Variants in IGDCC4 observed in about 807,000 individuals in gnomAD.
IGDCC4 encodes the protein likely ortholog of mouse neighbor of Punc E11.
In IGDCC4, 72 loss-of-function variants were observed where a neutral mutation model predicts 116.6. The ratio of observed to expected loss-of-function variants is 0.62; its 90% confidence interval spans 0.51 to 0.75. The LOEUF is 0.75. IGDCC4 is among the 30% of genes least tolerant of loss of function. The pLI is 0.00. For missense variants in IGDCC4, 1,501 were observed against 1,662.4 expected (o/e 0.90, Z 1.69); for synonymous variants, 709 against 719.9 (o/e 0.98, Z 0.24).
chr15:65,385,830 C>G lies in IGDCC4; in HGVS notation c.3180+1G>C. ...AGCCGCAATGTGGGGCTCTGACTTA[C>G]CTTTCTTTTGGAGTGACTCCGGCCT... On this transcript the variant is annotated splice_donor_variant, in intron 18 of 19. Coordinates refer to ENST00000352385, the MANE Select transcript of IGDCC4 (RefSeq NM_020962.3). LOFTEE classifies it high-confidence loss of function. 6.2e-7 allele frequency: 1 copy of G among 1,611,344 alleles called. No homozygotes were observed. The highest frequency in any genetic ancestry group is 8.5e-7 in the Non-Finnish European group (1 of 1,178,990).
In IGDCC4 at chr15:65,390,139, A is replaced by G. The variant is rs772020642; in HGVS notation, c.2408+16T>C. ...CTTCCTCCCTTCTTTACATTAGTAA[A>G]GGCATTAGTCCCCACCTGGTGTAAT... On this transcript the variant is annotated intron_variant, in intron 13 of 19. Transcript: ENST00000352385. The G allele has an allele frequency of 1.3e-6, 2 of 1,553,636 alleles. No homozygotes were observed. Among genetic ancestry groups the G allele is most frequent in the East Asian group, 4.6e-5 (2 of 43,772 alleles).
chr15:65,381,963 T>C lies in IGDCC4; in HGVS notation c.*2046A>G, dbSNP rs144383449. 5.2e-5 allele frequency: 8 copies of C among 152,740 alleles called. No individual in the cohort carries two copies. The East Asian group carries it at 1.5e-3, about 29-fold the overall frequency. The allele number at this position is 152,740 out of a possible 1,614,324, so 9.5% of individuals were successfully genotyped here. A position where few individuals can be genotyped will look rare whatever the true frequency, so the allele number is the denominator to read the frequency against. On this transcript the variant is annotated 3_prime_UTR_variant, in exon 20 of 20. Coordinates refer to ENST00000352385, the MANE Select transcript of IGDCC4 (RefSeq NM_020962.3). Reference sequence around the variant, plus strand: ...CTAATGGGTTATAAATTGTCTCATTTGCAGCTATTTAATTTAAACCAGAAC... The same window carrying C: ...CTAATGGGTTATAAATTGTCTCATTCGCAGCTATTTAATTTAAACCAGAAC...
At chr15:65,418,052 A>G (rs1410767342) in intron 1 of IGDCC4, among the ~76,000 whole-genome samples, 1 of 152,226 alleles carries the variant, frequency 6.6e-6, no homozygotes, top group Non-Finnish European at 1.5e-5. Flanking sequence ...ACCCATGAAG[A>G]CATCCTCAAA....
intron 10 of IGDCC4, 43 bp from the exon 11 acceptor site, chr15:65,392,413 T>C: frequency 1.4e-6 from 2 of 1,426,060 alleles, no homozygotes; most frequent in Non-Finnish European, 1.9e-6. Flanking sequence ...AGGAACAGAA[T>C]GCAGAATGAG....
At chr15:65,418,015 A>G (rs945372279) in intron 1 of IGDCC4, among the ~76,000 whole-genome samples, 38 of 152,308 alleles carry the variant, frequency 2.5e-4, no homozygotes, top group African/African-American at 8.4e-4. Flanking sequence ...TAGGTGCTCA[A>G]TAAACATTTC....
At position 65,390,140 on chromosome 15, in the gene IGDCC4, G is replaced by A; in HGVS notation, c.2408+15C>T. The A allele has an allele frequency of 6.5e-7, 1 of 1,539,552 alleles. No homozygotes were observed. Among genetic ancestry groups the A allele is most frequent in the Non-Finnish European group, 8.9e-7 (1 of 1,125,918 alleles). On this transcript the variant is annotated intron_variant, in intron 13 of 19. Coordinates refer to ENST00000352385, the MANE Select transcript of IGDCC4 (RefSeq NM_020962.3). ...TTCCTCCCTTCTTTACATTAGTAAAGGCATTAGTCCCCACCTGGTGTAATA... is the reference window on the plus strand; with the variant it reads ...TTCCTCCCTTCTTTACATTAGTAAAAGCATTAGTCCCCACCTGGTGTAATA...
Position 65,392,958 on chromosome 15 carries a change from C to T in IGDCC4, c.1885+403G>A, listed in dbSNP as rs532724541. Among the ~76,000 whole-genome samples, 8 of 152,284 alleles carry T rather than the reference C, an allele frequency of 5.3e-5. No homozygotes were observed. The South Asian group carries it at 1.0e-3, about 20-fold the overall frequency. The stretch of plus-strand genomic sequence containing the variant: ...GAGTTAAGTAATTTACCTAGTGTCG[C>T]ATAGAGAGCATGTAGACCGGTTTGG... On this transcript the variant is annotated intron_variant, in intron 10 of 19. Coordinates refer to ENST00000352385, the MANE Select transcript of IGDCC4 (RefSeq NM_020962.3).
intron 5 of IGDCC4, among the ~76,000 whole-genome samples, chr15:65,398,822 G>A (rs959421409): frequency 1.3e-5 from 2 of 152,086 alleles, no homozygotes; most frequent in South Asian, 2.1e-4. Context: ...ACCGGGAGGC[G>A]GAAGTTGCAG....
chr15:65,393,455 A>G lies in IGDCC4; in HGVS notation c.1791T>C (p.Tyr597=), dbSNP rs1479537256. 3 of 1,613,632 alleles carry G rather than the reference A, an allele frequency of 1.9e-6. No homozygotes were observed. Among genetic ancestry groups the G allele is most frequent in the Admixed American group, 3.3e-5 (2 of 59,948 alleles). ...MLNSLQPNKV[Y]RVRISAGTAA... is the part of the protein sequence containing the mutation. ...CTGTACCAGCCGAAATCCGTACTCG[A>G]TACACCTTGTTTGGCTGAAGCGAGT... Residue 597 remains tyrosine, a synonymous_variant, in exon 10 of 20, where the codon TAT becomes TAC. Transcript: ENST00000352385. This position sits in a 1 kb window ranked among gnomAD's most constrained non-coding sequence, Gnocchi z 4.6.
intron 3 of IGDCC4, among the ~76,000 whole-genome samples, chr15:65,405,188 GAA>G (rs563045197): frequency 6.7e-4 from 101 of 151,528 alleles, no homozygotes; most frequent in African/African-American, 2.4e-3. Context: ...AGAAAATAGA[GAA>G]AAGTTATATT....
intron 16 of IGDCC4, among the ~76,000 whole-genome samples, chr15:65,388,103 GCA>G (rs1290176046): frequency 4.7e-4 from 71 of 152,136 alleles, no homozygotes; most frequent in Non-Finnish European, 9.4e-4. Flanking sequence ...AATTAGCCGG[GCA>G]TGGTGGTGTG....
intron 16 of IGDCC4, 108 bp from the exon 17 acceptor site, chr15:65,386,764 C>A (rs1426708441): frequency 2.7e-6 from 2 of 752,350 alleles, no homozygotes; most frequent in African/African-American, 1.7e-5. Context: ...GGACCCTCAC[C>A]CTTCAGATGC....
intron 3 of IGDCC4, among the ~76,000 whole-genome samples, chr15:65,405,129 T>TGGG (rs35901531): frequency 1.3e-4 from 13 of 100,382 alleles, no homozygotes; most frequent in African/African-American, 4.4e-4. Context: ...TATTAGTTAG[T>TGGG]GGGGGGGGGG....
chr15:65,420,270 G>A (rs1471474523), intron 1 of IGDCC4, among the ~76,000 whole-genome samples: 1 of 151,960 alleles, frequency 6.6e-6, no homozygotes, highest in Non-Finnish European at 1.5e-5. Context: ...CCTCTCTCTC[G>A]CCCCCTACAA....
At chr15:65,418,944 A>T (rs943378284) in intron 1 of IGDCC4, among the ~76,000 whole-genome samples, 4 of 152,222 alleles carry the variant, frequency 2.6e-5, no homozygotes, top group African/African-American at 9.6e-5. Context: ...GAACTTGGGT[A>T]TCCCTAGAAA....
At chr15:65,396,252 C>A in intron 6 of IGDCC4, 89 bp from the exon 7 acceptor site, 1 of 1,333,144 alleles carries the variant, frequency 7.5e-7, no homozygotes, top group Non-Finnish European at 1.0e-6. Flanking sequence ...CCCCCCACCG[C>A]CCTCCCTCGC....
At position 65,411,365 on chromosome 15, in the gene IGDCC4, G is replaced by A; in HGVS notation, c.76C>T (p.Leu26=). Residue 26 remains leucine (L), a synonymous_variant, in exon 2 of 20, where the codon CTG becomes TTG. Coordinates refer to ENST00000352385, the MANE Select transcript of IGDCC4 (RefSeq NM_020962.3). ...TFCLLAARGE[L]LLPQETTVEL... ...ACAGTCGTCTCCTGGGGCAACAGCA[G>A]CTCCCCTGCATAGAGGAGGAGCACG... The A allele has an allele frequency of 1.3e-6, 2 of 1,569,276 alleles. No homozygotes were observed. The highest frequency in any genetic ancestry group is 1.7e-6 in the Non-Finnish European group (2 of 1,155,038).
chr15:65,416,683 T>C (rs2063148312), intron 1 of IGDCC4, among the ~76,000 whole-genome samples: 1 of 152,130 alleles, frequency 6.6e-6, no homozygotes, highest in Non-Finnish European at 1.5e-5. Context: ...CAGTGGACAC[T>C]TGCTGCCCGC....
chr15:65,405,474 A>G (rs1274610028), intron 3 of IGDCC4, among the ~76,000 whole-genome samples: 2 of 152,222 alleles, frequency 1.3e-5, no homozygotes, highest in African/African-American at 4.8e-5. Context: ...ATGTGATTTT[A>G]GCAAGTGACA....
Sources: gnomAD v4.1 joint callset for allele counts (sites outside exome capture counted in the v4.1 genomes callset) on GRCh38, gnomAD v4.1.1 for gene constraint, Gnocchi (gnomAD v3.1) non-coding constraint, MANE v1.5 for transcripts, NCBI Gene and HGNC (gene_info 2026-07-23, HGNC 2026-07-21) for gene names.